Variants in SLC25A26 observed in about 807,000 individuals in gnomAD.
SLC25A26 encodes solute carrier family 25 member 26, also known as mitochondrial S-adenosylmethionine carrier protein.
Under a neutral mutation model 37.8 loss-of-function variants are expected in SLC25A26, and 36 were observed. The observed-to-expected ratio is 0.95, with a 90% CI of 0.73 to 1.26. The LOEUF is 1.26. Ranked by LOEUF, SLC25A26 falls within the 50% of genes most tolerant of loss-of-function variation. The pLI is 0.00. For synonymous variants in SLC25A26, 129 were observed against 122.5 expected, an observed-to-expected ratio of 1.05 and a Z score of -0.35; for missense variants, 390 against 331.1, an observed-to-expected ratio of 1.18 and a Z score of -1.38.
chr3:66,326,681 A>G (rs769455168), intron 5 of SLC25A26, among the ~76,000 whole-genome samples: 5 of 152,166 alleles, frequency 3.3e-5, no homozygotes, highest in African/African-American at 4.8e-5. Flanking sequence ...GAGTGCACGC[A>G]CGCCTCTTGC....
chr3:66,257,437 C>T (rs1221473177), intron 3 of SLC25A26, among the ~76,000 whole-genome samples: 3 of 152,202 alleles, frequency 2.0e-5, no homozygotes, highest in African/African-American at 7.2e-5. Context: ...AGTCTAGGGC[C>T]GCAGACCCTC....
intron 5 of SLC25A26, among the ~76,000 whole-genome samples, chr3:66,340,178 T>C (rs1297298951): frequency 1.3e-5 from 2 of 152,102 alleles, no homozygotes; most frequent in Non-Finnish European, 2.9e-5. Flanking sequence ...TGAAGTCTTA[T>C]TTCTGGGCTG....
chr3:66,197,981 T>C (rs977681253), intron 1 of SLC25A26, among the ~76,000 whole-genome samples: 3 of 151,770 alleles, frequency 2.0e-5, no homozygotes, highest in African/African-American at 7.3e-5. Flanking sequence ...AGGATAAGCA[T>C]AAGGATAAGG....
At chr3:66,216,480 C>T (rs1053118726), upstream of SLC25A26, among the ~76,000 whole-genome samples, 12 of 152,268 alleles carry the variant, frequency 7.9e-5, no homozygotes, top group South Asian at 2.1e-3. Context: ...CACTGCATTC[C>T]AGCCTGGGCA....
intron 6 of SLC25A26, chr3:66,355,916 A>G (rs2076563725): frequency 2.3e-6 from 1 of 434,804 alleles, no homozygotes. Flanking sequence ...CCTTTCCATT[A>G]TCTTAAATTT....
At chr3:66,258,227 A>G (rs2073382364) in intron 3 of SLC25A26, among the ~76,000 whole-genome samples, 1 of 152,118 alleles carries the variant, frequency 6.6e-6, no homozygotes, top group Admixed American at 6.5e-5. Flanking sequence ...GAAATCTGAG[A>G]AAAGGGAGGA....
chr3:66,154,540 CTTTTTTTTT>C (rs60639995), intron 1 of SLC25A26, among the ~76,000 whole-genome samples: 1 of 130,404 alleles, frequency 7.7e-6, no homozygotes, highest in African/African-American at 2.9e-5. Flanking sequence ...TTCTTTTTTT[CTTTTTTTTT>C]TTTTTTTTTG....
intron 5 of SLC25A26, among the ~76,000 whole-genome samples, chr3:66,269,597 T>C (rs2073883126): frequency 1.3e-5 from 2 of 152,202 alleles, no homozygotes; most frequent in Admixed American, 1.3e-4. Flanking sequence ...CTTATGGAGA[T>C]TGCACCAGTT....
At chr3:66,177,752 T>C (rs1419061298) in intron 1 of SLC25A26, among the ~76,000 whole-genome samples, 1 of 152,222 alleles carries the variant, frequency 6.6e-6, no homozygotes, top group Admixed American at 6.5e-5. Flanking sequence ...TTTTTAGATA[T>C]GAAGTAGGAG....
Position 66,243,257 on chromosome 3 carries a change from C to CT in SLC25A26, c.245_246insT (p.Ser83IlefsTer28), listed in dbSNP as rs1206721914. On this transcript the variant is annotated frameshift_variant, in exon 3 of 10. Transcript: ENST00000354883. LOFTEE classifies it high-confidence loss of function. The stretch of plus-strand genomic sequence containing the variant: ...GTGAAGTGGTTTTTGCATGCTGATT[C>CT]ATCTTCATATTTGACACCTATGAAA... 6.2e-7 allele frequency: 1 copy of CT among 1,610,042 alleles called. No homozygotes were observed. Among genetic ancestry groups the CT allele is most frequent in the East Asian group, 2.2e-5 (1 of 44,728 alleles).
At chr3:66,263,896 G>C (rs2073636552) in intron 5 of SLC25A26, among the ~76,000 whole-genome samples, 1 of 152,094 alleles carries the variant, frequency 6.6e-6, no homozygotes, top group East Asian at 2.0e-4. Flanking sequence ...CTGACCTCAT[G>C]ATCCTCCCGC....
At chr3:66,377,457 T>A (rs1304561515) in intron 9 of SLC25A26, among the ~76,000 whole-genome samples, 2 of 151,936 alleles carry the variant, frequency 1.3e-5, no homozygotes, top group Non-Finnish European at 2.9e-5. Flanking sequence ...TTCAGCTCTT[T>A]AACACCTTTT....
chr3:66,153,251 A>G (rs2070231738), intron 1 of SLC25A26, among the ~76,000 whole-genome samples: 1 of 152,202 alleles, frequency 6.6e-6, no homozygotes, highest in Admixed American at 6.5e-5. Context: ...CCCCTACACA[A>G]AGAATCACTG....
At chr3:66,196,125 TCTTTAA>T (rs1158240292) in intron 1 of SLC25A26, among the ~76,000 whole-genome samples, 6 of 98,854 alleles carry the variant, frequency 6.1e-5, no homozygotes, top group African/African-American at 1.7e-4. Context: ...TTAATTACTA[TCTTTAA>T]GTAAGTAATC....
At chr3:66,209,474 G>T (rs967556712) in intron 1 of SLC25A26, among the ~76,000 whole-genome samples, 2 of 137,318 alleles carry the variant, frequency 1.5e-5, no homozygotes, top group Admixed American at 1.5e-4. Context: ...TATATATAAA[G>T]GTGTATACAT....
chr3:66,370,728 C>G, intron 9 of SLC25A26, 126 bp downstream of exon 9: 3 of 700,578 alleles, frequency 4.3e-6, no homozygotes, highest in South Asian at 1.9e-5. Flanking sequence ...ATTTATTGTG[C>G]AAAATATTAT....
At chr3:66,236,796 A>G in intron 2 of SLC25A26, 96 bp downstream of exon 2, 2 of 892,534 alleles carry the variant, frequency 2.2e-6, no homozygotes, top group Non-Finnish European at 3.1e-6. Context: ...TTGTGTGTTG[A>G]AGCTTATCTT....
At chr3:66,320,605 A>G (rs1055954865) in intron 5 of SLC25A26, among the ~76,000 whole-genome samples, 3 of 152,146 alleles carry the variant, frequency 2.0e-5, no homozygotes, top group Non-Finnish European at 4.4e-5. Flanking sequence ...TATACCTATA[A>G]GTGGAGTTGC....
intron 1 of SLC25A26, among the ~76,000 whole-genome samples, chr3:66,151,140 G>C (rs971467242): frequency 1.3e-5 from 2 of 152,102 alleles, no homozygotes; most frequent in Non-Finnish European, 2.9e-5. Context: ...TCTGGGCCAG[G>C]GAATGCTGTG....
Sources: allele counts gnomAD v4.1 joint callset (sites outside exome capture counted in the v4.1 genomes callset), GRCh38; gene constraint gnomAD v4.1.1; transcripts MANE v1.5; gene names NCBI Gene and HGNC (gene_info 2026-07-23, HGNC 2026-07-21).